Variants in GPR158 observed in about 807,000 individuals in gnomAD.
GPR158 encodes the protein G protein-coupled receptor 158.
In GPR158, 30 loss-of-function variants were observed where a neutral mutation model predicts 78.2. That is an observed-to-expected ratio of 0.38 (90% CI 0.29 to 0.52). The LOEUF (loss-of-function observed/expected upper bound fraction) is 0.52. Ranked by LOEUF, GPR158 falls within the 20% of genes least tolerant of loss-of-function variation. The probability of loss-of-function intolerance (pLI) is 0.83; values close to 1 mark genes in which losing one functional copy is unlikely to be tolerated. For missense variants in GPR158, 1,463 were observed against 1,523.5 expected (o/e 0.96, Z 0.66); for synonymous variants, 581 against 591.1 (o/e 0.98, Z 0.25).
intron 3 of GPR158, among the ~76,000 whole-genome samples, chr10:25,405,219 C>G (rs1346702757): frequency 6.6e-6 from 1 of 151,886 alleles, no homozygotes; most frequent in African/African-American, 2.4e-5. Flanking sequence ...GAAATGATAT[C>G]TAAGTCCAAT....
At chr10:25,444,985 A>G (rs1334423419) in intron 4 of GPR158, among the ~76,000 whole-genome samples, 5 of 152,292 alleles carry the variant, frequency 3.3e-5, no homozygotes, top group African/African-American at 1.2e-4. Flanking sequence ...ATGAGGACTT[A>G]GTATTAATTA....
intron 2 of GPR158, among the ~76,000 whole-genome samples, chr10:25,368,656 A>G (rs1036548766): frequency 6.6e-6 from 1 of 151,884 alleles, no homozygotes; most frequent in African/African-American, 2.4e-5. Context: ...TTGTTCGGCC[A>G]TTGTGGAAAG....
In GPR158 at chr10:25,598,620, G is replaced by A. The variant is rs760396205; in HGVS notation, c.2994G>A (p.Lys998=). Residue 998 remains lysine, a synonymous_variant, in exon 11 of 11, where the codon AAG becomes AAA. Coordinates refer to ENST00000376351, the MANE Select transcript of GPR158 (RefSeq NM_020752.3). ...TGAACCCAGGCACCACCCAGATGAA[G>A]GACAACTTTGACATTGGGGAGGTGT... is the stretch of plus-strand genomic sequence containing the variant. ...SDLNPGTTQM[K]DNFDIGEVCP... The A allele has an allele frequency of 1.9e-6, 3 of 1,614,046 alleles. No individual in the cohort carries two copies. Among genetic ancestry groups the A allele is most frequent in the African/African-American group, 2.7e-5 (2 of 75,010 alleles).
chr10:25,429,249 A>C (rs1002447482), intron 4 of GPR158, among the ~76,000 whole-genome samples: 11 of 152,096 alleles, frequency 7.2e-5, no homozygotes, highest in Non-Finnish European at 1.5e-4. Flanking sequence ...ATTTCAAATA[A>C]AATGTAGCAC....
chr10:25,390,066 A>G (rs1441319333), intron 2 of GPR158, among the ~76,000 whole-genome samples: 1 of 152,164 alleles, frequency 6.6e-6, no homozygotes, highest in Non-Finnish European at 1.5e-5. Flanking sequence ...CATGTAAGAC[A>G]TGCTTTGGCT....
chr10:25,563,722 CCT>C (rs1475366765), intron 6 of GPR158, among the ~76,000 whole-genome samples: 1 of 152,036 alleles, frequency 6.6e-6, no homozygotes, highest in Non-Finnish European at 1.5e-5. Context: ...CTTTTATGCT[CCT>C]CTTTTATGTT....
At chr10:25,277,858 T>G (rs1854206511) in intron 2 of GPR158, among the ~76,000 whole-genome samples, 1 of 152,192 alleles carries the variant, frequency 6.6e-6, no homozygotes, top group African/African-American at 2.4e-5. Flanking sequence ...CTTGAGAATT[T>G]GCAACTACAG....
At chr10:25,309,514 G>T (rs1854733077) in intron 2 of GPR158, among the ~76,000 whole-genome samples, 1 of 152,010 alleles carries the variant, frequency 6.6e-6, no homozygotes, top group African/African-American at 2.4e-5. Context: ...TCTGTTGATA[G>T]TGTCCTTTGC....
intron 2 of GPR158, among the ~76,000 whole-genome samples, chr10:25,229,278 CTT>C (rs1853417461): frequency 6.6e-6 from 1 of 152,100 alleles, no homozygotes; most frequent in East Asian, 1.9e-4. Context: ...TAGGGACTCC[CTT>C]TTCCTTTGTG....
At chr10:25,434,738 G>T (rs1369505728) in intron 4 of GPR158, among the ~76,000 whole-genome samples, 1 of 152,122 alleles carries the variant, frequency 6.6e-6, no homozygotes, top group Non-Finnish European at 1.5e-5. Flanking sequence ...CATCTATCTA[G>T]GGCTTTTTTC....
chr10:25,375,064 CTTTTA>C (rs1384108351), intron 2 of GPR158, among the ~76,000 whole-genome samples: 1 of 151,566 alleles, frequency 6.6e-6, no homozygotes, highest in African/African-American at 2.4e-5. Context: ...GGTGTGATCA[CTTTTA>C]TTTTAGCCCT....
At chr10:25,384,567 A>C (rs766962793) in intron 2 of GPR158, among the ~76,000 whole-genome samples, 1 of 152,188 alleles carries the variant, frequency 6.6e-6, no homozygotes, top group African/African-American at 2.4e-5. Flanking sequence ...GCATTTAAAG[A>C]TCCATTTCTA....
intron 8 of GPR158, among the ~76,000 whole-genome samples, chr10:25,592,483 G>A (rs1371054761): frequency 6.6e-6 from 1 of 151,912 alleles, no homozygotes; most frequent in Non-Finnish European, 1.5e-5. Context: ...TGTTTTAAAA[G>A]ATGAAACACT....
chr10:25,260,277 A>G (rs1340835806), intron 2 of GPR158, among the ~76,000 whole-genome samples: 1 of 152,016 alleles, frequency 6.6e-6, no homozygotes, highest in Admixed American at 6.6e-5. Context: ...TTTTCCCCTT[A>G]TAACTCTCCT....
chr10:25,571,280 A>G (rs572449244), intron 6 of GPR158, among the ~76,000 whole-genome samples: 1 of 152,178 alleles, frequency 6.6e-6, no homozygotes, highest in African/African-American at 2.4e-5. Context: ...ATTGAGAAGT[A>G]TTTTGTTAAT....
At chr10:25,450,045 C>G (rs754335639) in intron 4 of GPR158, among the ~76,000 whole-genome samples, 6 of 151,364 alleles carry the variant, frequency 4.0e-5, no homozygotes, top group Non-Finnish European at 7.4e-5. Flanking sequence ...TGTCCACCAC[C>G]TTGGCTAATA....
intron 2 of GPR158, among the ~76,000 whole-genome samples, chr10:25,293,650 T>C (rs908489116): frequency 2.6e-5 from 4 of 152,198 alleles, no homozygotes; most frequent in Non-Finnish European, 4.4e-5. Context: ...ATGCAGGATG[T>C]TTTTCTCCAT....
intron 2 of GPR158, among the ~76,000 whole-genome samples, chr10:25,299,529 A>AAT (rs1376650202): frequency 6.6e-5 from 10 of 152,166 alleles, no homozygotes; most frequent in Non-Finnish European, 1.3e-4. Context: ...CACTTAGTAT[A>AAT]ATATCCTTTA....
chr10:25,539,243 T>C (rs183635656), intron 5 of GPR158, among the ~76,000 whole-genome samples: 192 of 152,300 alleles, frequency 1.3e-3, no homozygotes, highest in African/African-American at 4.5e-3. Context: ...AGTTGGGGCA[T>C]GACCAAGGAT....
Sources: allele counts gnomAD v4.1 joint callset (sites outside exome capture counted in the v4.1 genomes callset), GRCh38; gene constraint gnomAD v4.1.1; transcripts MANE v1.5; gene names NCBI Gene and HGNC (gene_info 2026-07-23, HGNC 2026-07-21).